GABRA2: variants seen among roughly 807,000 people sequenced by gnomAD.
GABRA2 encodes gamma-aminobutyric acid receptor subunit alpha-2.
A neutral mutation model predicts 48.7 loss-of-function variants in GABRA2; 16 were observed. That is an observed-to-expected ratio of 0.33 (90% CI 0.22 to 0.50). The LOEUF (loss-of-function observed/expected upper bound fraction) is 0.50. GABRA2 is among the 20% of genes least tolerant of loss of function. The probability of loss-of-function intolerance (pLI) is 0.98; values close to 1 mark genes in which losing one functional copy is unlikely to be tolerated. For missense variants in GABRA2, 275 were observed against 535.6 expected (o/e 0.51, Z 4.80); for synonymous variants, 185 against 184.5 (o/e 1.00, Z -0.02).
At chr4:46,354,949 C>T (rs1385053616) in intron 3 of GABRA2, among the ~76,000 whole-genome samples, 1 of 152,092 alleles carries the variant, frequency 6.6e-6, no homozygotes, top group Non-Finnish European at 1.5e-5. Context: ...TTATAAACTT[C>T]CATGAGAGGA....
At chr4:46,317,787 T>A (rs1478702106) in intron 4 of GABRA2, among the ~76,000 whole-genome samples, 3 of 151,272 alleles carry the variant, frequency 2.0e-5, no homozygotes, top group Admixed American at 6.6e-5. Flanking sequence ...CTAAAAAAAA[T>A]TCAAAAAAAA....
chr4:46,355,012 AG>A (rs1560570310), intron 3 of GABRA2, among the ~76,000 whole-genome samples: 2 of 152,154 alleles, frequency 1.3e-5, no homozygotes, highest in African/African-American at 2.4e-5. Flanking sequence ...CAGACCTCAC[AG>A]GCAGCCATGA....
chr4:46,371,111 C>T (rs1199471671), intron 3 of GABRA2, among the ~76,000 whole-genome samples: 1 of 152,138 alleles, frequency 6.6e-6, no homozygotes, highest in Non-Finnish European at 1.5e-5. Flanking sequence ...GCTTTGCCAT[C>T]ACAAAATCCT....
At chr4:46,348,643 G>A (rs974022627) in intron 3 of GABRA2, among the ~76,000 whole-genome samples, 1 of 151,770 alleles carries the variant, frequency 6.6e-6, no homozygotes, top group African/African-American at 2.4e-5. Context: ...GATGAAACTG[G>A]AAACCATCAT....
chr4:46,258,941 A>G (rs1198387855), intron 9 of GABRA2, among the ~76,000 whole-genome samples: 1 of 151,910 alleles, frequency 6.6e-6, no homozygotes, highest in Non-Finnish European at 1.5e-5. Context: ...ATTGCAAGCA[A>G]TGCTTTTAAA....
chr4:46,322,039 T>G (rs16859313), intron 4 of GABRA2, among the ~76,000 whole-genome samples: 1 of 151,950 alleles, frequency 6.6e-6, no homozygotes, highest in Non-Finnish European at 1.5e-5. Flanking sequence ...AACAGAGAAC[T>G]ACCAATAGAA....
Position 46,312,605 on chromosome 4 carries a change from T to C in GABRA2, c.367A>G (p.Thr123Ala). ...LNNLMASKIW[T>A]PDTFFHNGKK... ...CCATTGTGAAAAAAGGTATCTGGAG[T>C]CCAGATTTTGCTAGCCATTAAATTG... The change falls in exon 5 of 10, where the codon ACT becomes GCT. Residue 123 changes from threonine to alanine, a missense_variant. This residue lies in a region of GABRA2 where 113 missense variants were observed against 257.1 expected (regional missense o/e 0.44). Coordinates refer to ENST00000381620, the MANE Select transcript of GABRA2 (RefSeq NM_000807.4). 6.3e-7 allele frequency: 1 copy of C among 1,583,182 alleles called. No individual in the cohort carries two copies. The highest frequency in any genetic ancestry group is 8.6e-7 in the Non-Finnish European group (1 of 1,166,584).
intron 7 of GABRA2, among the ~76,000 whole-genome samples, chr4:46,304,392 C>T (rs1726271843): frequency 1.3e-5 from 2 of 152,130 alleles, no homozygotes; most frequent in Admixed American, 1.3e-4. Flanking sequence ...TCATATCTAC[C>T]TTCCTTTCTG....
intron 3 of GABRA2, among the ~76,000 whole-genome samples, chr4:46,371,726 A>G (rs1323247642): frequency 2.0e-5 from 3 of 152,332 alleles, no homozygotes; most frequent in African/African-American, 7.2e-5. Flanking sequence ...ATTTTGTAAA[A>G]GTATAAGAAA....
rs1444824447 is a variant in GABRA2, at chr4:46,249,028, C to CTGTGTGTGTGTGTG, written c.*1279_*1280insCACACACACACACA. On this transcript the variant is annotated 3_prime_UTR_variant, in exon 10 of 10. Coordinates refer to ENST00000381620, the MANE Select transcript of GABRA2 (RefSeq NM_000807.4). The stretch of plus-strand genomic sequence containing the variant: ...TTTAAAATTGTGTTTTCTAATTTAG[C>CTGTGTGTGTGTGTG]TGTGTATGTGTGTGTGTGTGTGTGT... 10 of 48,030 alleles carry CTGTGTGTGTGTGTG rather than the reference C, an allele frequency of 2.1e-4. No individual in the cohort carries two copies. Among genetic ancestry groups the CTGTGTGTGTGTGTG allele is most frequent in the East Asian group, 5.7e-4 (1 of 1,756 alleles). The allele number at this position is 48,030 out of a possible 1,614,324, so 3.0% of individuals were successfully genotyped here.
chr4:46,382,879 GAA>G (rs1716951057), intron 3 of GABRA2, among the ~76,000 whole-genome samples: 1 of 152,088 alleles, frequency 6.6e-6, no homozygotes, highest in Non-Finnish European at 1.5e-5. Context: ...ATAAAGGAAA[GAA>G]AATAGCAATT....
At chr4:46,265,008 AAG>A (rs1393614782) in intron 8 of GABRA2, among the ~76,000 whole-genome samples, 3 of 58,028 alleles carry the variant, frequency 5.2e-5, no homozygotes, top group Non-Finnish European at 8.1e-5. Context: ...TATATGTATA[AAG>A]AGAGAGAGAG....
chr4:46,323,000 ATAGT>A (rs2109760438), intron 4 of GABRA2, among the ~76,000 whole-genome samples: 1 of 151,754 alleles, frequency 6.6e-6, no homozygotes, highest in African/African-American at 2.4e-5. Context: ...ATTTTATAAA[ATAGT>A]TATATTTTAA....
intron 3 of GABRA2, among the ~76,000 whole-genome samples, chr4:46,346,844 G>A (rs978980120): frequency 6.6e-6 from 1 of 151,672 alleles, no homozygotes; most frequent in African/African-American, 2.4e-5. Flanking sequence ...AAAAAGAAGT[G>A]AAAATTTATC....
chr4:46,276,427 C>T (rs368668057), intron 8 of GABRA2, among the ~76,000 whole-genome samples: 1 of 152,032 alleles, frequency 6.6e-6, no homozygotes, highest in Admixed American at 6.6e-5. Context: ...GTGACAATTT[C>T]TACTACAGGG....
chr4:46,332,720 A>C (rs1731575100), intron 3 of GABRA2, 38 bp from the exon 4 acceptor site: 4 of 1,184,972 alleles, frequency 3.4e-6, no homozygotes, highest in Non-Finnish European at 5.0e-6. Flanking sequence ...GATATTATAT[A>C]ATAAGAGCCA....
Position 46,250,569 on chromosome 4 carries a change from G to A in GABRA2, c.1095C>T (p.Asn365=), listed in dbSNP as rs199645306. The A allele has an allele frequency of 2.4e-5, 39 of 1,610,874 alleles. No individual in the cohort carries two copies. The highest frequency in any genetic ancestry group is 1.1e-4 in the East Asian group (5 of 44,772). The change falls in exon 10 of 10, where the codon AAC becomes AAT. Residue 365 remains asparagine (N), a synonymous_variant. Coordinates refer to ENST00000381620, the MANE Select transcript of GABRA2 (RefSeq NM_000807.4). ...AATTGGCAACAGCCACTGCATAAGC[G>A]TTGTTCTGTATCATAACGGAAGCCT... is the stretch of plus-strand genomic sequence containing the variant. ...KEKASVMIQN[N]AYAVAVANYA...
At chr4:46,388,850 G>T in intron 1 of GABRA2, 134 bp from the exon 2 acceptor site, 1 of 1,412,120 alleles carries the variant, frequency 7.1e-7, no homozygotes, top group Non-Finnish European at 9.3e-7. Context: ...CCTGGACTCT[G>T]TGTAGGACTT....
At position 46,317,330 on chromosome 4, in the gene GABRA2, A is replaced by G. The variant is rs529562978; in HGVS notation, c.256-4614T>C. On this transcript the variant is annotated intron_variant, in intron 4 of 9. Transcript: ENST00000381620. ...CTTAGGACAGCGGCTTACAAAGTAA[A>G]GTGTGTGTATCCATTTGGGTGCAGG... Among the ~76,000 whole-genome samples, 4 of 151,994 alleles carry G rather than the reference A, an allele frequency of 2.6e-5. No individual in the cohort carries two copies. In the South Asian group the frequency reaches 6.2e-4, roughly 24 times the overall value.
Sources: gnomAD v4.1 joint callset for allele counts (sites outside exome capture counted in the v4.1 genomes callset) on GRCh38, gnomAD v4.1.1 for gene constraint, gnomAD v4.1.1 regional missense constraint, MANE v1.5 for transcripts, NCBI Gene and HGNC (gene_info 2026-07-23, HGNC 2026-07-21) for gene names.